The following HYDIN variants were observed in gnomAD, a reference collection of about 807,000 sequenced individuals.
HYDIN encodes HYDIN axonemal central pair apparatus protein.
HYDIN carries 132 observed loss-of-function variants against 403.9 expected under a neutral mutation model. The ratio of observed to expected loss-of-function variants is 0.33; its 90% CI spans 0.28 to 0.38. The LOEUF (loss-of-function observed/expected upper bound fraction) is 0.38. Among genes scored for constraint, HYDIN ranks in the 10% least tolerant of loss-of-function variants. HYDIN has a pLI of 1.00. For synonymous variants in HYDIN, 1,202 were observed against 1,891.7 expected (o/e 0.64, Z 9.46); for missense variants, 2,827 against 5,009.5 (o/e 0.56, Z 13.15).
intron 7 of HYDIN, among the ~76,000 whole-genome samples, chr16:71,137,671 C>T (rs190735100): frequency 3.3e-5 from 5 of 152,038 alleles, no homozygotes; most frequent in South Asian, 2.1e-4. Context: ...GGAGAGCAAT[C>T]GAGTTATAGA....
chr16:70,861,178 C>G (rs1291005281), intron 69 of HYDIN, among the ~76,000 whole-genome samples: 2 of 152,228 alleles, frequency 1.3e-5, no homozygotes, highest in African/African-American at 4.8e-5. Flanking sequence ...TGAGCACAGT[C>G]TTACCCTCTG....
chr16:70,989,403 C>A (rs1255977228), intron 25 of HYDIN, among the ~76,000 whole-genome samples: 1 of 152,106 alleles, frequency 6.6e-6, no homozygotes, highest in African/African-American at 2.4e-5. Context: ...ATTTAAAAGA[C>A]AAATATTTTA....
intron 13 of HYDIN, among the ~76,000 whole-genome samples, chr16:71,077,662 G>GT (rs1205242517): frequency 6.6e-6 from 1 of 150,876 alleles, no homozygotes; most frequent in Non-Finnish European, 1.5e-5. Flanking sequence ...ATAGTTTTTT[G>GT]TTTTTTGTTT....
chr16:71,054,383 A>G (rs1336208188), intron 18 of HYDIN, among the ~76,000 whole-genome samples: 6 of 152,248 alleles, frequency 3.9e-5, no homozygotes, highest in African/African-American at 1.4e-4. Flanking sequence ...AGCCCATTCT[A>G]TCTCCTCCTC....
rs2037385946 is a variant in HYDIN, at chr16:70,835,805, A to C, written c.13272T>G (p.Ile4424Met). 1 of 698,168 alleles carries C rather than the reference A, an allele frequency of 1.4e-6. No homozygotes were observed. The highest frequency in any genetic ancestry group is 1.8e-5 in the South Asian group (1 of 56,458). 43.2% of individuals were successfully genotyped at this position (698,168 alleles called of 1,614,324 possible). A position where few individuals can be genotyped will look rare whatever the true frequency, so the allele number is the denominator to read the frequency against. Reference protein sequence around the residue: ...KILVLDPANRIVKLGAVLPGQ... With the variant: ...KILVLDPANRMVKLGAVLPGQ... ...CTGGTAGGACAGCTCCCAACTTCAC[A>C]ATCCTGTTGGCTGGATCTAGGACTA... Residue 4424 changes from isoleucine to methionine, a missense_variant, in exon 78 of 86, where the codon ATT (isoleucine) becomes ATG (methionine). Physicochemically the swap from Ile to Met is conservative, Grantham distance 10. Coordinates refer to ENST00000393567, the MANE Select transcript of HYDIN (RefSeq NM_001270974.2).
intron 43 of HYDIN, among the ~76,000 whole-genome samples, chr16:70,939,614 TATC>T (rs1180865928): frequency 2.6e-5 from 4 of 152,234 alleles, no homozygotes; most frequent in Non-Finnish European, 5.9e-5. Flanking sequence ...AGGGAGGAGT[TATC>T]ATTCTTATCT....
chr16:70,881,674 C>T (rs369824428), intron 60 of HYDIN, among the ~76,000 whole-genome samples: 4 of 151,828 alleles, frequency 2.6e-5, no homozygotes, highest in Non-Finnish European at 4.4e-5. Flanking sequence ...AGTCATAAAA[C>T]GGATTATGTA....
intron 7 of HYDIN, among the ~76,000 whole-genome samples, chr16:71,145,197 T>C (rs2085320830): frequency 6.6e-6 from 1 of 151,668 alleles, no homozygotes; most frequent in African/African-American, 2.4e-5. Context: ...ACTTTATTCA[T>C]TCACCAAAGG....
At chr16:70,884,788 G>T (rs1268358710) in intron 58 of HYDIN, among the ~76,000 whole-genome samples, 42 of 152,304 alleles carry the variant, frequency 2.8e-4, no homozygotes, top group African/African-American at 1.0e-3. Flanking sequence ...CCTGCTTGTA[G>T]TTTTCCGGAT....
intron 75 of HYDIN, among the ~76,000 whole-genome samples, chr16:70,845,827 G>A (rs1243899167): frequency 1.5e-5 from 2 of 135,858 alleles, no homozygotes; most frequent in Non-Finnish European, 3.0e-5. Context: ...GTTTATTTGC[G>A]TAGAGGTGTT....
intron 1 of HYDIN, among the ~76,000 whole-genome samples, chr16:71,198,153 T>C (rs2087800253): frequency 6.6e-6 from 1 of 152,262 alleles, no homozygotes; most frequent in Admixed American, 6.5e-5. Context: ...GTTTTGTGTC[T>C]AGATTATTTA....
At chr16:71,064,877 G>C (rs1302075453) in intron 15 of HYDIN, 37 bp from the exon 16 acceptor site, 1 of 1,599,310 alleles carries the variant, frequency 6.3e-7, no homozygotes. Context: ...TCAAAACAGA[G>C]AGCTTGTTTA....
At chr16:70,931,210 GTTT>G (rs71387550) in intron 45 of HYDIN, among the ~76,000 whole-genome samples, 288 of 59,376 alleles carry the variant, frequency 4.9e-3, no homozygotes, top group Non-Finnish European at 5.5e-3. Flanking sequence ...TCTTTCTTCT[GTTT>G]TTTTTTTTTT....
chr16:70,989,949 CTGTT>C (rs1406083948), intron 25 of HYDIN, among the ~76,000 whole-genome samples: 2 of 152,150 alleles, frequency 1.3e-5, no homozygotes, highest in South Asian at 2.1e-4. Context: ...ATCTATGTAA[CTGTT>C]TGAGAGATAA....
chr16:71,079,511 CCTGA>C (rs1159179675), intron 13 of HYDIN, among the ~76,000 whole-genome samples: 1 of 151,698 alleles, frequency 6.6e-6, no homozygotes, highest in Non-Finnish European at 1.5e-5. Flanking sequence ...AAGTTTTATG[CCTGA>C]CTGTCAGTGT....
At chr16:70,855,043 A>G in intron 73 of HYDIN, 85 bp downstream of exon 73, 1 of 732,454 alleles carries the variant, frequency 1.4e-6, no homozygotes, top group Non-Finnish European at 2.3e-6. Flanking sequence ...AATTATATAA[A>G]TGGGGCACTG....
chr16:70,936,585 G>A (rs1187215909), intron 44 of HYDIN, among the ~76,000 whole-genome samples: 1 of 147,310 alleles, frequency 6.8e-6, no homozygotes, highest in Non-Finnish European at 1.5e-5. Context: ...ACCCAGGCTG[G>A]AGTGCAGTGG....
chr16:70,907,759 C>CT (rs1164941774), intron 49 of HYDIN, among the ~76,000 whole-genome samples: 1 of 151,970 alleles, frequency 6.6e-6, no homozygotes, highest in African/African-American at 2.4e-5. Flanking sequence ...GTGCACCCAG[C>CT]TGAAAACATT....
chr16:71,183,495 T>C (rs537018623), intron 3 of HYDIN, among the ~76,000 whole-genome samples: 1 of 152,226 alleles, frequency 6.6e-6, no homozygotes, highest in Non-Finnish European at 1.5e-5. Flanking sequence ...CTTTAAATAA[T>C]AACAAACAAT....
Sources: allele counts gnomAD v4.1 joint callset (sites outside exome capture counted in the v4.1 genomes callset), GRCh38; gene constraint gnomAD v4.1.1; transcripts MANE v1.5; gene names NCBI Gene and HGNC (gene_info 2026-07-23, HGNC 2026-07-21).